The following NUB1 variants were observed in gnomAD, a reference collection of about 807,000 sequenced individuals.
NUB1 encodes the protein negative regulator of ubiquitin like proteins 1.
NUB1 carries 41 observed loss-of-function variants against 77.1 expected under a neutral mutation model. The observed-to-expected ratio is 0.53, with a 90% CI of 0.41 to 0.69. The LOEUF (loss-of-function observed/expected upper bound fraction) is 0.69. Among genes scored for constraint, NUB1 ranks in the 30% least tolerant of loss-of-function variants. The probability of loss-of-function intolerance (pLI) is 0.00; values close to 1 mark genes in which losing one functional copy is unlikely to be tolerated. For missense variants in NUB1, 643 were observed against 743.8 expected (o/e 0.86, Z 1.58); for synonymous variants, 257 against 281.0 (o/e 0.91, Z 0.85).
At chr7:151,351,579 G>A (rs1796797964) in intron 4 of NUB1, 97 bp downstream of exon 4, 8 of 803,162 alleles carry the variant, frequency 1.0e-5, no homozygotes, top group Non-Finnish European at 1.4e-5. Flanking sequence ...AGGTAGGGCA[G>A]GTATTATCTT....
intron 9 of NUB1, among the ~76,000 whole-genome samples, 176 bp from the exon 10 acceptor site, chr7:151,367,685 C>T (rs1286561584): frequency 2.0e-5 from 3 of 152,168 alleles, no homozygotes; most frequent in Non-Finnish European, 4.4e-5. Flanking sequence ...GTTATCATAC[C>T]ACAGGGGATG....
Position 151,355,935 on chromosome 7 carries a change from A to G in NUB1, c.583A>G (p.Ile195Val). 3 of 1,613,924 alleles carry G rather than the reference A, an allele frequency of 1.9e-6. No individual in the cohort carries two copies. Among genetic ancestry groups the G allele is most frequent in the Non-Finnish European group, 2.5e-6 (3 of 1,179,860 alleles). ...TCAGAGGACCAAGAGAGGACTAGAA[A>G]TACTGGCAAAGAGAGGTACCCAGAG... ...QIQRTKRGLEILAKRAAETVV... is the reference protein window; with the variant it reads ...QIQRTKRGLEVLAKRAAETVV... The change falls in exon 6 of 15, where the codon ATA becomes GTA. Residue 195 changes from isoleucine to valine, a missense_variant. Coordinates refer to ENST00000568733, the MANE Select transcript of NUB1 (RefSeq NM_001243351.2).
At chr7:151,376,160 A>C in intron 13 of NUB1, 2 of 534,792 alleles carry the variant, frequency 3.7e-6, no homozygotes, top group Non-Finnish European at 6.8e-6. Context: ...AAGTGTCAGG[A>C]AGTTCTCTTT....
rs182302880 is a variant in NUB1 at position 151,354,717 on chromosome 7, A to C, written c.416-1051A>C. ...AGTTTATTCAGGGCCACAGAGTTAA[A>C]ACGGTAGATGGAGCCCATGGTCTTT... is the stretch of plus-strand genomic sequence containing the variant. On this transcript the variant is annotated intron_variant, in intron 5 of 14. Transcript: ENST00000568733. 4.1e-3 allele frequency among the ~76,000 whole-genome samples: 619 copies of C among 152,316 alleles called. 2 individuals are homozygous for C. The highest frequency in any genetic ancestry group is 0.014 in the Middle Eastern group (4 of 294).
chr7:151,341,871 C>G, intron 1 of NUB1, 25 bp downstream of exon 1: 1 of 1,493,688 alleles, frequency 6.7e-7, no homozygotes, highest in Non-Finnish European at 8.8e-7. Flanking sequence ...GCCGAGTGTC[C>G]TCGACCCCAG....
chr7:151,347,725 C>T (rs945763831), intron 2 of NUB1, among the ~76,000 whole-genome samples: 2 of 152,204 alleles, frequency 1.3e-5, no homozygotes, highest in South Asian at 2.1e-4. Context: ...TTCCAAAGTG[C>T]TGGGATTACA....
Position 151,368,806 on chromosome 7 carries a change from T to C in NUB1, c.1167T>C (p.Thr389=), listed in dbSNP as rs1217486944. The C allele has an allele frequency of 6.2e-7, 1 of 1,614,058 alleles. No individual in the cohort carries two copies. The highest frequency in any genetic ancestry group is 2.2e-5 in the East Asian group (1 of 44,882). The change falls in exon 11 of 15, where the codon ACT becomes ACC. Residue 389 remains threonine (T), a synonymous_variant. Transcript: ENST00000568733. Reference sequence around the variant, plus strand: ...ACAATTTGTTGCAGTTGGGGTTTACTGCCCAGGAAGCCCGGCTTGGCCTGA... The same window carrying C: ...ACAATTTGTTGCAGTTGGGGTTTACCGCCCAGGAAGCCCGGCTTGGCCTGA... ...KVDNLLQLGF[T]AQEARLGLRA...
intron 4 of NUB1, chr7:151,352,227 G>C (rs1371750311): frequency 1.5e-5 from 7 of 454,728 alleles, no homozygotes; most frequent in Admixed American, 1.4e-4. Context: ...GTGCAACTAG[G>C]GCTTCCTGTT....
intron 11 of NUB1, among the ~76,000 whole-genome samples, chr7:151,371,754 T>G (rs1230689418): frequency 6.6e-6 from 1 of 152,232 alleles, no homozygotes; most frequent in East Asian, 1.9e-4. Context: ...TCGTTCATGT[T>G]TTTGTTTGAG....
Position 151,349,020 on chromosome 7 carries a change from T to G in NUB1, c.118-53T>G, listed in dbSNP as rs1796659734. 4.6e-6 allele frequency: 7 copies of G among 1,534,804 alleles called. No homozygotes were observed. The East Asian group carries it at 6.7e-5, about 15-fold the overall frequency. On this transcript the variant is annotated intron_variant, in intron 2 of 14. Coordinates refer to ENST00000568733, the MANE Select transcript of NUB1 (RefSeq NM_001243351.2). ...AGAGTCTTTCATGCCCTTTTCTATATTTTGCCTTTTTTTTTTTAAGTCAGT... is the reference window on the plus strand; with the variant it reads ...AGAGTCTTTCATGCCCTTTTCTATAGTTTGCCTTTTTTTTTTTAAGTCAGT...
intron 11 of NUB1, among the ~76,000 whole-genome samples, chr7:151,369,355 C>T (rs1797858288): frequency 6.6e-6 from 1 of 152,120 alleles, no homozygotes; most frequent in Non-Finnish European, 1.5e-5. Flanking sequence ...CTGCAGTCTC[C>T]TTAGTTTTGT....
rs559081697 is a variant in NUB1 at position 151,344,359 on chromosome 7, G to A, written c.-2-989G>A. Among the ~76,000 whole-genome samples, 13 of 151,246 alleles carry A rather than the reference G, an allele frequency of 8.6e-5. No homozygotes were observed. The East Asian group carries it at 2.6e-3, about 30-fold the overall frequency. On this transcript the variant is annotated intron_variant, in intron 1 of 14. Transcript: ENST00000568733. ...GGAGTCTCACTCTGTTGCCCAGGCT[G>A]GAGTGCAGTGGTGCCATCTCGGCTC...
intron 4 of NUB1, chr7:151,351,954 G>A: frequency 2.7e-6 from 1 of 367,694 alleles, no homozygotes; most frequent in South Asian, 1.9e-5. Flanking sequence ...ACATACTAGT[G>A]AAATCCTAAC....
rs1055685929 is a variant in NUB1 at position 151,377,963 on chromosome 7, TTTAA to T, written c.*744_*747del. ...TAAATGCTAACCAAAGCAATTTATT[TTTAA>T]TTAATATTTTTAGACTCTGTGCTGT... On this transcript the variant is annotated 3_prime_UTR_variant, in exon 15 of 15. Transcript: ENST00000568733. 2.0e-5 allele frequency: 3 copies of T among 152,242 alleles called. No individual in the cohort carries two copies. The highest frequency in any genetic ancestry group is 7.2e-5 in the African/African-American group (3 of 41,462). The allele number at this position is 152,242 out of a possible 1,614,324, so 9.4% of individuals were successfully genotyped here. A position where few individuals can be genotyped will look rare whatever the true frequency, so the allele number is the denominator to read the frequency against.
At chr7:151,367,786 A>G (rs874607) in intron 9 of NUB1, 75 bp from the exon 10 acceptor site, 131,928 of 913,862 alleles carry the variant, frequency 0.14, 14,181 homozygotes, top group East Asian at 0.4. Context: ...GACCAAGGGA[A>G]TGACAGAGAT....
chr7:151,352,730 A>C, intron 4 of NUB1, 82 bp from the exon 5 acceptor site: 2 of 863,020 alleles, frequency 2.3e-6, no homozygotes, highest in Non-Finnish European at 3.8e-6. Context: ...GGCGTGAGCC[A>C]CCGGGCCTGG....
chr7:151,372,891 G>A (rs1798026706), intron 11 of NUB1, among the ~76,000 whole-genome samples: 1 of 152,170 alleles, frequency 6.6e-6, no homozygotes, highest in Admixed American at 6.5e-5. Flanking sequence ...AGCTGGCGCT[G>A]TGGGCACTCC....
intron 12 of NUB1, 33 bp from the exon 13 acceptor site, chr7:151,375,815 G>T (rs1379747062): frequency 7.1e-7 from 1 of 1,416,336 alleles, no homozygotes; most frequent in Admixed American, 1.7e-5. Context: ...AGAGTTCTTA[G>T]TGATGGGTAA....
intron 1 of NUB1, 117 bp from the exon 2 acceptor site, chr7:151,345,214 AACCATAGTAATTTATAT>A (rs1472376956): frequency 1.8e-6 from 1 of 565,966 alleles, no homozygotes; most frequent in African/African-American, 2.0e-5. Context: ...AGCTCATTTA[AACCATAGTAATTTATAT>A]TTAATGACAG....
Sources: allele counts gnomAD v4.1 joint callset (sites outside exome capture counted in the v4.1 genomes callset), GRCh38; gene constraint gnomAD v4.1.1; transcripts MANE v1.5; gene names NCBI Gene and HGNC (gene_info 2026-07-23, HGNC 2026-07-21).